DDX4: variants seen among roughly 807,000 people sequenced by gnomAD.
The protein encoded by DDX4 is DEAD-box helicase 4.
In DDX4, 25 loss-of-function variants were observed where a neutral mutation model predicts 100.0. That is an observed-to-expected ratio of 0.25 (90% confidence interval 0.18 to 0.35). DDX4 has a LOEUF of 0.35. Ranked by LOEUF, DDX4 falls within the 10% of genes least tolerant of loss-of-function variation. The probability of loss-of-function intolerance (pLI) is 1.00; values close to 1 mark genes in which losing one functional copy is unlikely to be tolerated. For synonymous variants in DDX4, 259 were observed against 275.7 expected, an observed-to-expected ratio of 0.94 and a Z score of 0.60; for missense variants, 635 against 882.4, an observed-to-expected ratio of 0.72 and a Z score of 3.55.
rs374927345 is a variant in DDX4, at chr5:55,809,347, C to T, written c.1616-4326C>T. The stretch of plus-strand genomic sequence containing the variant: ...CCTGCACCCAGTTTCTGACACTCCC[C>T]AGTGAGATGAACCCGGCACCTCAGT... On this transcript the variant is annotated intron_variant, in intron 18 of 21. Coordinates refer to ENST00000505374, the MANE Select transcript of DDX4 (RefSeq NM_024415.3). Among the ~76,000 whole-genome samples the T allele has an allele frequency of 5.3e-5, 8 of 152,278 alleles. No individual in the cohort carries two copies. The East Asian group carries it at 1.5e-3, about 29-fold the overall frequency.
chr5:55,753,401 G>T lies in DDX4; in HGVS notation c.128-6799G>T, dbSNP rs865792032. ...AGCTTTCTACATATGGCTAGCCAGTGTTCCCAGCACCATTTATTAAATAGG... is the reference window on the plus strand; with the variant it reads ...AGCTTTCTACATATGGCTAGCCAGTTTTCCCAGCACCATTTATTAAATAGG... On this transcript the variant is annotated intron_variant, in intron 3 of 21. Coordinates refer to ENST00000505374, the MANE Select transcript of DDX4 (RefSeq NM_024415.3). Among the ~76,000 whole-genome samples, 639 of 152,026 alleles carry T rather than the reference G, an allele frequency of 4.2e-3. 11 individuals are homozygous for T. The highest frequency in any genetic ancestry group is 0.014 in the African/African-American group (582 of 41,448).
intron 14 of DDX4, among the ~76,000 whole-genome samples, chr5:55,786,940 GTGAC>G (rs1253710735): frequency 6.6e-6 from 1 of 152,178 alleles, no homozygotes; most frequent in African/African-American, 2.4e-5. Context: ...CTTAAACAAA[GTGAC>G]TGAAAGTCAA....
At chr5:55,811,767 T>C (rs1437335511) in intron 18 of DDX4, among the ~76,000 whole-genome samples, 1 of 152,234 alleles carries the variant, frequency 6.6e-6, no homozygotes, top group Non-Finnish European at 1.5e-5. Context: ...TGTTTTCAGT[T>C]ACCTGAAGAT....
intron 2 of DDX4, among the ~76,000 whole-genome samples, chr5:55,742,619 C>G (rs79831176): frequency 6.6e-6 from 1 of 152,012 alleles, no homozygotes; most frequent in East Asian, 1.9e-4. Flanking sequence ...GTTAAACATT[C>G]GAAATTTCTG....
intron 14 of DDX4, 57 bp from the exon 15 acceptor site, chr5:55,787,789 C>A (rs936213867): frequency 6.4e-7 from 1 of 1,562,698 alleles, no homozygotes; most frequent in African/African-American, 1.4e-5. Flanking sequence ...GATTAGCTTT[C>A]CATAGGGATA....
chr5:55,741,643 G>C (rs868129130), intron 2 of DDX4, among the ~76,000 whole-genome samples: 1 of 152,138 alleles, frequency 6.6e-6, no homozygotes, highest in Non-Finnish European at 1.5e-5. Flanking sequence ...CAAAAAATTA[G>C]CTGGGAGTGG....
chr5:55,768,249 T>G (rs1467829621), intron 7 of DDX4, among the ~76,000 whole-genome samples: 1 of 152,174 alleles, frequency 6.6e-6, no homozygotes, highest in Non-Finnish European at 1.5e-5. Flanking sequence ...GCATAGTCCC[T>G]GATAGGTAGT....
intron 3 of DDX4, among the ~76,000 whole-genome samples, chr5:55,753,028 A>G (rs28856967): frequency 0.18 from 26,812 of 148,920 alleles, 3,111 homozygotes; most frequent in Admixed American, 0.3. Flanking sequence ...TTTTGATGGG[A>G]TTGTTTGTTT....
At chr5:55,761,593 A>G (rs560062999) in intron 4 of DDX4, among the ~76,000 whole-genome samples, 30 of 150,932 alleles carry the variant, frequency 2.0e-4, no homozygotes, top group African/African-American at 6.6e-4. Flanking sequence ...CTAACATTTT[A>G]TATAGTTTCC....
chr5:55,766,142 G>A, intron 6 of DDX4, among the ~76,000 whole-genome samples: 1 of 151,824 alleles, frequency 6.6e-6, no homozygotes, highest in Admixed American at 6.6e-5. Context: ...ATAATTAATA[G>A]GTTGTAACTA....
intron 18 of DDX4, among the ~76,000 whole-genome samples, chr5:55,806,259 C>T (rs1183387068): frequency 6.6e-6 from 1 of 152,182 alleles, no homozygotes; most frequent in East Asian, 1.9e-4. Context: ...TTTTGTTGAT[C>T]TTTTCAAAAA....
intron 6 of DDX4, among the ~76,000 whole-genome samples, chr5:55,766,643 G>C (rs1265438919): frequency 6.6e-6 from 1 of 152,060 alleles, no homozygotes. Flanking sequence ...CAAGAGCTTT[G>C]GGTCACTGTT....
intron 2 of DDX4, among the ~76,000 whole-genome samples, chr5:55,744,846 G>A (rs1382438994): frequency 6.6e-6 from 1 of 151,994 alleles, no homozygotes; most frequent in Non-Finnish European, 1.5e-5. Context: ...CAGTCCATAA[G>A]TGAATTTACT....
intron 17 of DDX4, 43 bp downstream of exon 17, chr5:55,792,850 C>G (rs1411597206): frequency 9.9e-6 from 11 of 1,110,742 alleles, no homozygotes; most frequent in Non-Finnish European, 1.3e-5. Flanking sequence ...TATATATATA[C>G]ATACTTTTAT....
chr5:55,769,926 G>T (rs946828477), intron 7 of DDX4, among the ~76,000 whole-genome samples: 1 of 151,766 alleles, frequency 6.6e-6, no homozygotes, highest in Non-Finnish European at 1.5e-5. Flanking sequence ...GAGTGCAGTG[G>T]TGTGATCTTG....
chr5:55,807,098 T>A (rs1420815076), intron 18 of DDX4, among the ~76,000 whole-genome samples: 10 of 152,150 alleles, frequency 6.6e-5, no homozygotes, highest in African/African-American at 1.7e-4. Flanking sequence ...GTCTCTTTTG[T>A]TCTTTTTTGG....
intron 3 of DDX4, among the ~76,000 whole-genome samples, chr5:55,753,440 A>G (rs1030347788): frequency 2.0e-5 from 3 of 152,062 alleles, no homozygotes; most frequent in African/African-American, 7.2e-5. Flanking sequence ...TCCTTTCCCC[A>G]TTGCTTGTTT....
intron 3 of DDX4, among the ~76,000 whole-genome samples, chr5:55,759,424 T>C (rs1760158664): frequency 6.6e-6 from 1 of 152,166 alleles, no homozygotes; most frequent in Admixed American, 6.5e-5. Flanking sequence ...ACAATTTTTT[T>C]CATATTTAAT....
At chr5:55,797,887 T>C (rs939532835) in intron 17 of DDX4, among the ~76,000 whole-genome samples, 1 of 152,228 alleles carries the variant, frequency 6.6e-6, no homozygotes, top group Non-Finnish European at 1.5e-5. Context: ...AATTGTGCTA[T>C]GCAAATACTA....
Sources: gnomAD v4.1 joint callset for allele counts (sites outside exome capture counted in the v4.1 genomes callset) on GRCh38, gnomAD v4.1.1 for gene constraint, MANE v1.5 for transcripts, NCBI Gene and HGNC (gene_info 2026-07-23, HGNC 2026-07-21) for gene names.